STK3: variants seen among roughly 807,000 people sequenced by gnomAD.
STK3 encodes the protein serine/threonine kinase 3.
In STK3, 41 loss-of-function variants were observed where a neutral mutation model predicts 58.0. The ratio of observed to expected loss-of-function variants is 0.71; its 90% CI spans 0.55 to 0.92. The LOEUF (loss-of-function observed/expected upper bound fraction) is 0.92, where lower values mean the gene tolerates loss of function less well. STK3 is among the 40% of genes least tolerant of loss of function. The pLI is 0.00. For synonymous variants in STK3, 170 were observed against 191.0 expected, an observed-to-expected ratio of 0.89 and a Z score of 0.91; for missense variants, 479 against 602.7, an observed-to-expected ratio of 0.79 and a Z score of 2.15.
At chr8:98,605,523 G>A (rs957030172) in intron 6 of STK3, among the ~76,000 whole-genome samples, 1 of 145,954 alleles carries the variant, frequency 6.9e-6, no homozygotes, top group South Asian at 2.2e-4. Flanking sequence ...TGCAACATCC[G>A]CCTGCCCATT....
chr8:98,516,461 T>C (rs1824941913), intron 10 of STK3, among the ~76,000 whole-genome samples: 1 of 152,070 alleles, frequency 6.6e-6, no homozygotes, highest in Admixed American at 6.6e-5. Flanking sequence ...AGAATATTTT[T>C]TCTAGAAGAA....
chr8:98,653,642 A>T (rs1045923753), intron 6 of STK3, among the ~76,000 whole-genome samples: 3 of 152,226 alleles, frequency 2.0e-5, no homozygotes, highest in Non-Finnish European at 4.4e-5. Context: ...AAAAAATGAT[A>T]AAGGGGATAT....
At chr8:98,744,674 T>C (rs1829516727) in intron 4 of STK3, among the ~76,000 whole-genome samples, 2 of 151,632 alleles carry the variant, frequency 1.3e-5, no homozygotes, top group South Asian at 2.1e-4. Context: ...ATGGCACATG[T>C]ATACATATGT....
At chr8:98,932,279 T>C (rs1306075245) in intron 1 of STK3, among the ~76,000 whole-genome samples, 1 of 152,250 alleles carries the variant, frequency 6.6e-6, no homozygotes, top group Non-Finnish European at 1.5e-5. Context: ...ATGCTTACTG[T>C]TTTCTAAGAT....
intron 6 of STK3, among the ~76,000 whole-genome samples, chr8:98,689,095 A>T (rs1190431233): frequency 6.6e-6 from 1 of 152,226 alleles, no homozygotes; most frequent in Non-Finnish European, 1.5e-5. Flanking sequence ...AGCCCACAGA[A>T]ATACAGCAGA....
At position 98,548,167 on chromosome 8, in the gene STK3, A is replaced by T; in HGVS notation, c.949-6T>A. 1 of 1,519,088 alleles carries T rather than the reference A, an allele frequency of 6.6e-7. No homozygotes were observed. Among genetic ancestry groups the T allele is most frequent in the Non-Finnish European group, 8.8e-7 (1 of 1,133,434 alleles). 94.1% of individuals were successfully genotyped at this position (1,519,088 alleles called of 1,614,324 possible). A position where few individuals can be genotyped will look rare whatever the true frequency, so the allele number is the denominator to read the frequency against. On this transcript the variant is annotated splice_polypyrimidine_tract_variant and splice_region_variant and intron_variant, in intron 8 of 10. Coordinates refer to ENST00000419617, the MANE Select transcript of STK3 (RefSeq NM_006281.4). ...GAATCCAGCTCATCTTCATCCTGCAAGCAAAATACTGCAATGAGGGAAGAC... is the reference window on the plus strand; with the variant it reads ...GAATCCAGCTCATCTTCATCCTGCATGCAAAATACTGCAATGAGGGAAGAC...
intron 3 of STK3, among the ~76,000 whole-genome samples, chr8:98,756,563 T>C (rs1365652426): frequency 6.6e-6 from 1 of 152,242 alleles, no homozygotes; most frequent in Non-Finnish European, 1.5e-5. Context: ...TTTCTGTGGT[T>C]GCTGAATGAA....
intron 4 of STK3, among the ~76,000 whole-genome samples, chr8:98,735,671 C>G (rs1255783289): frequency 6.6e-6 from 1 of 152,110 alleles, no homozygotes; most frequent in Non-Finnish European, 1.5e-5. Context: ...AATTCTAGTA[C>G]CACTACCATT....
intron 10 of STK3, among the ~76,000 whole-genome samples, chr8:98,508,869 T>C (rs897121749): frequency 2.6e-5 from 4 of 152,168 alleles, no homozygotes; most frequent in Admixed American, 6.5e-5. Context: ...TTTAACTGCA[T>C]AGCCTTGTTC....
At chr8:98,929,775 T>TA (rs1839941567) in intron 1 of STK3, among the ~76,000 whole-genome samples, 1 of 152,246 alleles carries the variant, frequency 6.6e-6, no homozygotes, top group South Asian at 2.1e-4. Context: ...ATCTGAGTTT[T>TA]AAAATCTGAA....
At chr8:98,649,833 T>G (rs1469044377) in intron 6 of STK3, among the ~76,000 whole-genome samples, 2 of 152,188 alleles carry the variant, frequency 1.3e-5, no homozygotes, top group Admixed American at 1.3e-4. Context: ...AACACAATAT[T>G]ATAAGAATTG....
chr8:98,414,920 C>T (rs932525014), intron 3 of STK3, among the ~76,000 whole-genome samples: 1 of 152,154 alleles, frequency 6.6e-6, no homozygotes, highest in South Asian at 2.1e-4. Flanking sequence ...GAGAGATGCC[C>T]ACTAATTTAG....
At chr8:98,388,644 G>T (rs966987344), upstream of STK3, among the ~76,000 whole-genome samples, 1 of 152,046 alleles carries the variant, frequency 6.6e-6, no homozygotes, top group African/African-American at 2.4e-5. Context: ...CAAATAACTT[G>T]CAAGAAAAAA....
At chr8:98,474,933 A>C (rs191269192) in intron 10 of STK3, among the ~76,000 whole-genome samples, 1 of 152,292 alleles carries the variant, frequency 6.6e-6, no homozygotes, top group Admixed American at 6.5e-5. Context: ...AACATCATCC[A>C]ATCTGTCACC....
chr8:98,832,101 G>T (rs1354657275), intron 3 of STK3, among the ~76,000 whole-genome samples: 1 of 152,040 alleles, frequency 6.6e-6, no homozygotes, highest in Non-Finnish European at 1.5e-5. Flanking sequence ...TGTTGTAAAA[G>T]GTTGCAGCCT....
chr8:98,783,556 G>A (rs1247087007), intron 1 of STK3, among the ~76,000 whole-genome samples: 1 of 152,178 alleles, frequency 6.6e-6, no homozygotes, highest in Non-Finnish European at 1.5e-5. Context: ...GATCAGGGTG[G>A]TGGTTGCAAA....
chr8:98,941,390 G>C (rs1373959090), intron 1 of STK3, among the ~76,000 whole-genome samples: 3 of 152,276 alleles, frequency 2.0e-5, no homozygotes, highest in South Asian at 4.1e-4. Flanking sequence ...GGCGAAAAAC[G>C]GCCAACAGTG....
chr8:98,706,163 A>C (rs1825949456), intron 6 of STK3, among the ~76,000 whole-genome samples: 1 of 152,162 alleles, frequency 6.6e-6, no homozygotes, highest in African/African-American at 2.4e-5. Flanking sequence ...CAATAAACTG[A>C]AGAGCAAAGA....
chr8:98,364,199 T>C, the STK3 span, among the ~76,000 whole-genome samples: 1 of 152,134 alleles, frequency 6.6e-6, no homozygotes, highest in South Asian at 2.1e-4. Flanking sequence ...AGGGTCGTCT[T>C]GGCGTTAGGA....
Sources: allele counts gnomAD v4.1 joint callset (sites outside exome capture counted in the v4.1 genomes callset), GRCh38; gene constraint gnomAD v4.1.1; transcripts MANE v1.5; gene names NCBI Gene and HGNC (gene_info 2026-07-23, HGNC 2026-07-21).